CFAP54: variants seen among roughly 807,000 people sequenced by gnomAD.
The protein encoded by CFAP54 is cilia and flagella associated protein 54, also known as cilia- and flagella-associated protein 54.
Under a neutral mutation model 370.4 loss-of-function variants are expected in CFAP54, and 290 were observed. That is an observed-to-expected ratio of 0.78 (90% CI 0.71 to 0.86). The LOEUF (loss-of-function observed/expected upper bound fraction) is 0.86, where lower values mean the gene tolerates loss of function less well. CFAP54 is among the 40% of genes least tolerant of loss of function. The probability of loss-of-function intolerance (pLI) is 0.00; values close to 1 mark genes in which losing one functional copy is unlikely to be tolerated. For synonymous variants in CFAP54, 1,206 were observed against 1,236.5 expected, an observed-to-expected ratio of 0.98 and a Z score of 0.52; for missense variants, 3,399 against 3,528.7, an observed-to-expected ratio of 0.96 and a Z score of 0.93.
chr12:96,506,167 G>A (rs1297734958), intron 3 of CFAP54, among the ~76,000 whole-genome samples: 1 of 151,826 alleles, frequency 6.6e-6, no homozygotes, highest in Admixed American at 6.6e-5. Flanking sequence ...GTGAAACCCC[G>A]TCTCTACTAA....
At chr12:96,638,346 C>G (rs979974434) in intron 32 of CFAP54, among the ~76,000 whole-genome samples, 1 of 151,292 alleles carries the variant, frequency 6.6e-6, no homozygotes, top group Non-Finnish European at 1.5e-5. Flanking sequence ...CGCGATCCTC[C>G]TACTTCAGTC....
chr12:96,839,537 C>G (rs1257954454), intron 66 of CFAP54, among the ~76,000 whole-genome samples: 1 of 152,234 alleles, frequency 6.6e-6, no homozygotes, highest in Non-Finnish European at 1.5e-5. Flanking sequence ...ACGCATCTTC[C>G]CATTCCCATC....
intron 65 of CFAP54, among the ~76,000 whole-genome samples, chr12:96,827,707 T>TATATAATTATATATAATTATATTTA (rs1165659932): frequency 0.32 from 29,169 of 90,186 alleles, 7,239 homozygotes; most frequent in Middle Eastern, 0.43. Flanking sequence ...TATTATATTA[T>TATATAATTATATATAATTATATTTA]ATATAATTAT....
In CFAP54 at chr12:96,684,638, A is replaced by G. The variant is rs770331857; in HGVS notation, c.5717-10A>G. 1.3e-6 allele frequency: 2 copies of G among 1,593,652 alleles called. No homozygotes were observed. The highest frequency in any genetic ancestry group is 1.7e-6 in the Non-Finnish European group (2 of 1,171,648). On this transcript the variant is annotated splice_polypyrimidine_tract_variant and intron_variant, in intron 40 of 67. Transcript: ENST00000524981. ...CTGACATTTGTTCTTTTACTTGATT[A>G]AAAATATAGATGTTCTCCAAGCCAG...
chr12:96,554,696 A>G lies in CFAP54; in HGVS notation c.2304A>G (p.Gly768=), dbSNP rs898050471. The G allele has an allele frequency of 1.8e-5, 28 of 1,533,836 alleles. No individual in the cohort carries two copies. In the African/African-American group the frequency reaches 3.6e-4, roughly 20 times the overall value. Residue 768 remains glycine, a synonymous_variant, in exon 17 of 68, where the codon GGA becomes GGG. Coordinates refer to ENST00000524981, the MANE Select transcript of CFAP54 (RefSeq NM_001306084.2). ...CAAAGCGTACCCACCATATAGATGG[A>G]GATACTTACAAACCACTTGCCTCAA... is the stretch of plus-strand genomic sequence containing the variant. The part of the protein sequence containing the change: ...CYAKRTHHID[G]DTYKPLASNS...
At position 96,522,120 on chromosome 12, in the gene CFAP54, T is replaced by C; in HGVS notation, c.1089T>C (p.Phe363=). The C allele has an allele frequency of 6.5e-7, 1 of 1,535,798 alleles. No individual in the cohort carries two copies. Among genetic ancestry groups the C allele is most frequent in the Admixed American group, 2.0e-5 (1 of 50,940 alleles). ...TGATGATCTTCAAAAGAGGAGTCTT[T>C]GAATCTAGAAGAAAAAACAAAGCTG... ...MAVMIFKRGV[F]ESRRKNKAVF... The change falls in exon 8 of 68, where the codon TTT becomes TTC. Residue 363 remains phenylalanine, a synonymous_variant. Transcript: ENST00000524981.
rs1958061005 is a variant in CFAP54 at position 96,742,324 on chromosome 12, T to C, written c.7072-115T>C. 15 of 676,646 alleles carry C rather than the reference T, an allele frequency of 2.2e-5. 1 individual carries two copies. In the South Asian group the frequency reaches 3.3e-4, roughly 15 times the overall value. The allele number at this position is 676,646 out of a possible 1,614,324, so 41.9% of individuals were successfully genotyped here. On this transcript the variant is annotated intron_variant, in intron 51 of 67. Coordinates refer to ENST00000524981, the MANE Select transcript of CFAP54 (RefSeq NM_001306084.2). Reference sequence around the variant, plus strand: ...GCAAGAATCATTTCTAAATTTAAAATTGTAATACTGTGGAATGATACCAGA... The same window carrying C: ...GCAAGAATCATTTCTAAATTTAAAACTGTAATACTGTGGAATGATACCAGA...
At chr12:96,710,306 A>T (rs1957596680) in intron 48 of CFAP54, among the ~76,000 whole-genome samples, 1 of 152,234 alleles carries the variant, frequency 6.6e-6, no homozygotes, top group South Asian at 2.1e-4. Context: ...GCTGCGTCTC[A>T]GGAGGCAGAG....
rs1958613932 is a variant in CFAP54, at chr12:96,784,850, T to C, written c.8415T>C (p.Tyr2805=). The C allele has an allele frequency of 3.3e-6, 5 of 1,531,236 alleles. No individual in the cohort carries two copies. Among genetic ancestry groups the C allele is most frequent in the Non-Finnish European group, 4.4e-6 (5 of 1,144,462 alleles). 94.9% of individuals were successfully genotyped at this position (1,531,236 alleles called of 1,614,324 possible). A position where few individuals can be genotyped will look rare whatever the true frequency, so the allele number is the denominator to read the frequency against. Residue 2805 remains tyrosine (Y), a synonymous_variant, in exon 61 of 68, where the codon TAT becomes TAC. Transcript: ENST00000524981. ...DITWILLLRY[Y]IHLQRINNLS... Reference sequence around the variant, plus strand: ...CATGGATCCTTCTACTGCGCTACTATATTCACCTTCAGAGGATTAATAATC... The same window carrying C: ...CATGGATCCTTCTACTGCGCTACTACATTCACCTTCAGAGGATTAATAATC...
rs189325245 is a variant in CFAP54 at position 96,732,277 on chromosome 12, T to C, written c.6966-7679T>C. Among the ~76,000 whole-genome samples, 413 of 152,176 alleles carry C rather than the reference T, an allele frequency of 2.7e-3. 1 individual carries two copies. The highest frequency in any genetic ancestry group is 9.3e-3 in the African/African-American group (387 of 41,534). The stretch of plus-strand genomic sequence containing the variant: ...AGTAGCTGGGACTACAGGTGCACAC[T>C]GTAGTGTGTGCTACTGGCTAATTTT... On this transcript the variant is annotated intron_variant, in intron 50 of 67. Transcript: ENST00000524981.
chr12:96,491,862 C>T lies in CFAP54; in HGVS notation c.317+1936C>T, dbSNP rs542821826. Reference sequence around the variant, plus strand: ...GCAACCTCTGCCTCCCAGGTTTAAGCGATTCTTGTGCCTCAGCCTTCTGAG... The same window carrying T: ...GCAACCTCTGCCTCCCAGGTTTAAGTGATTCTTGTGCCTCAGCCTTCTGAG... On this transcript the variant is annotated intron_variant, in intron 1 of 67. Transcript: ENST00000524981. Among the ~76,000 whole-genome samples, 6 of 152,246 alleles carry T rather than the reference C, an allele frequency of 3.9e-5. No individual in the cohort carries two copies. In the South Asian group the frequency reaches 8.3e-4, roughly 21 times the overall value.
At chr12:96,841,694 C>T (rs749003678) in intron 66 of CFAP54, among the ~76,000 whole-genome samples, 3 of 152,180 alleles carry the variant, frequency 2.0e-5, no homozygotes, top group Non-Finnish European at 2.9e-5. Flanking sequence ...TTAGGAAGAG[C>T]ACTTAGCACA....
At chr12:96,818,816 C>T (rs1043642362) in intron 65 of CFAP54, among the ~76,000 whole-genome samples, 1 of 152,170 alleles carries the variant, frequency 6.6e-6, no homozygotes, top group South Asian at 2.1e-4. Flanking sequence ...ATAAGTCACT[C>T]CACTCTTTTG....
chr12:96,813,106 A>G (rs1342468087), intron 64 of CFAP54, among the ~76,000 whole-genome samples: 1 of 152,194 alleles, frequency 6.6e-6, no homozygotes, highest in African/African-American at 2.4e-5. Context: ...TTCCAGCCCC[A>G]TATGATGAAA....
At chr12:96,873,390 T>G (rs1960213623) in intron 67 of CFAP54, among the ~76,000 whole-genome samples, 1 of 152,200 alleles carries the variant, frequency 6.6e-6, no homozygotes, top group Non-Finnish European at 1.5e-5. Context: ...TAAAGGAAAT[T>G]TATTTGTTCA....
intron 63 of CFAP54, among the ~76,000 whole-genome samples, chr12:96,809,203 C>G (rs1958908460): frequency 6.6e-6 from 1 of 151,928 alleles, no homozygotes; most frequent in Non-Finnish European, 1.5e-5. Context: ...TTAGGGTGGC[C>G]CTTTCAAAAT....
chr12:96,824,180 G>A (rs1011729185), intron 65 of CFAP54, among the ~76,000 whole-genome samples: 2 of 152,126 alleles, frequency 1.3e-5, no homozygotes, highest in Non-Finnish European at 2.9e-5. Context: ...TGGGACAGGC[G>A]AGCTCCCTGC....
In CFAP54 at chr12:96,533,869, GT is replaced by G; in HGVS notation, c.1437del (p.Ile480PhefsTer7). On this transcript the variant is annotated frameshift_variant, in exon 10 of 68. Transcript: ENST00000524981. LOFTEE classifies it high-confidence loss of function. ...LLELMIGRKD[V>X]ISVDAAVKFI... ...GGAACTTATGATAGGAAGAAAAGAT[GT>G]TATTTCTGTGGATGCTGCTGTGAAA... 1 of 1,535,072 alleles carries G rather than the reference GT, an allele frequency of 6.5e-7. No homozygotes were observed. Among genetic ancestry groups the G allele is most frequent in the South Asian group, 1.2e-5 (1 of 83,874 alleles).
intron 15 of CFAP54, among the ~76,000 whole-genome samples, chr12:96,548,520 A>G (rs1163108409): frequency 6.6e-6 from 1 of 152,190 alleles, no homozygotes; most frequent in African/African-American, 2.4e-5. Flanking sequence ...AAATGGTACC[A>G]GTCAAATGCC....
Sources: gnomAD v4.1 joint callset for allele counts (sites outside exome capture counted in the v4.1 genomes callset) on GRCh38, gnomAD v4.1.1 for gene constraint, MANE v1.5 for transcripts, NCBI Gene and HGNC (gene_info 2026-07-23, HGNC 2026-07-21) for gene names.